The following TMED10 variants were observed in gnomAD, a reference collection of about 807,000 sequenced individuals.
The protein encoded by TMED10 is transmembrane emp24 domain-containing protein 10.
TMED10 carries 7 observed loss-of-function variants against 23.1 expected under a neutral mutation model. That is an observed-to-expected ratio of 0.30 (90% CI 0.17 to 0.57). The LOEUF (loss-of-function observed/expected upper bound fraction) is 0.57. TMED10 is among the 20% of genes least tolerant of loss of function. TMED10 has a pLI of 0.91. For synonymous variants in TMED10, 113 were observed against 106.9 expected, an observed-to-expected ratio of 1.06 and a Z score of -0.35; for missense variants, 162 against 274.8, an observed-to-expected ratio of 0.59 and a Z score of 2.90.
At chr14:75,147,591 G>T in intron 3 of TMED10, 73 bp downstream of exon 3, 1 of 1,467,996 alleles carries the variant, frequency 6.8e-7, no homozygotes, top group Non-Finnish European at 9.5e-7. Context: ...ACAGCCTGTT[G>T]GCCTGCCGAG....
intron 1 of TMED10, among the ~76,000 whole-genome samples, chr14:75,172,906 A>G (rs1444096839): frequency 6.6e-6 from 1 of 151,126 alleles, no homozygotes; most frequent in Non-Finnish European, 1.5e-5. Context: ...TTTTTTTTTT[A>G]ATTTTTAGGG....
chr14:75,146,567 C>G (rs747351477), intron 3 of TMED10, among the ~76,000 whole-genome samples: 2 of 152,140 alleles, frequency 1.3e-5, no homozygotes, highest in Non-Finnish European at 2.9e-5. Flanking sequence ...TTAAATAGTT[C>G]TTGTGGTTTT....
At chr14:75,172,205 T>C (rs1896242626) in intron 1 of TMED10, among the ~76,000 whole-genome samples, 1 of 152,202 alleles carries the variant, frequency 6.6e-6, no homozygotes, top group Non-Finnish European at 1.5e-5. Flanking sequence ...AAGAGGAGAC[T>C]GCTCTAGATT....
chr14:75,155,242 G>A (rs925189263), intron 1 of TMED10, among the ~76,000 whole-genome samples: 2 of 152,108 alleles, frequency 1.3e-5, no homozygotes, highest in East Asian at 3.9e-4. Context: ...TTACAGGTGT[G>A]AGCCACCACG....
chr14:75,166,846 A>G (rs1218838157), intron 1 of TMED10, among the ~76,000 whole-genome samples: 1 of 152,150 alleles, frequency 6.6e-6, no homozygotes, highest in Non-Finnish European at 1.5e-5. Flanking sequence ...ATTTCTCCCT[A>G]CAGAAAAAGT....
intron 1 of TMED10, among the ~76,000 whole-genome samples, chr14:75,166,047 C>A (rs1418499372): frequency 1.3e-5 from 2 of 152,024 alleles, no homozygotes; most frequent in African/African-American, 4.8e-5. Flanking sequence ...GAACGAAAGA[C>A]CCGTTGCTGC....
intron 2 of TMED10, among the ~76,000 whole-genome samples, chr14:75,150,390 T>C (rs1895941261): frequency 1.3e-5 from 2 of 152,212 alleles, no homozygotes. Flanking sequence ...CAGCCCCACC[T>C]GGTCCAAATG....
At chr14:75,159,096 C>CT (rs1896056438) in intron 1 of TMED10, among the ~76,000 whole-genome samples, 1 of 152,136 alleles carries the variant, frequency 6.6e-6, no homozygotes, top group Admixed American at 6.5e-5. Flanking sequence ...CCCCAAGATT[C>CT]TCACTTTATA....
At position 75,135,007 on chromosome 14, in the gene TMED10, C is replaced by CT. The variant is rs771549909; in HGVS notation, c.539-2dup. The stretch of plus-strand genomic sequence containing the variant: ...TATAGGACCCGAGTGTTTGTTGACT[C>CT]TAAAAAAAAACAAAAGCATTGTAAA... On this transcript the variant is annotated splice_acceptor_variant, in intron 4 of 4. Coordinates refer to ENST00000303575, the MANE Select transcript of TMED10 (RefSeq NM_006827.6). LOFTEE classifies it high-confidence loss of function. 2.8e-4 allele frequency: 445 copies of CT among 1,611,688 alleles called. No individual in the cohort carries two copies. The highest frequency in any genetic ancestry group is 3.6e-4 in the Non-Finnish European group (423 of 1,179,292).
chr14:75,143,979 A>G (rs1895853284), intron 3 of TMED10, among the ~76,000 whole-genome samples: 1 of 151,270 alleles, frequency 6.6e-6, no homozygotes, highest in East Asian at 1.9e-4. Context: ...ATGGAATCAG[A>G]GTTCCTCCTT....
intron 3 of TMED10, among the ~76,000 whole-genome samples, chr14:75,142,333 G>A (rs552461711): frequency 6.6e-6 from 1 of 152,166 alleles, no homozygotes; most frequent in Non-Finnish European, 1.5e-5. Flanking sequence ...AAGTTACTCA[G>A]CCCTTTGGGT....
chr14:75,164,104 C>A (rs1330069262), intron 1 of TMED10, among the ~76,000 whole-genome samples: 1 of 151,538 alleles, frequency 6.6e-6, no homozygotes, highest in African/African-American at 2.4e-5. Context: ...TTTGCTCTGT[C>A]GTAAAGGCTG....
rs949508259 is a variant in TMED10 at position 75,132,919 on chromosome 14, G to C, written c.*1966C>G. The C allele has an allele frequency of 6.6e-6, 1 of 152,416 alleles. No homozygotes were observed. The highest frequency in any genetic ancestry group is 1.9e-4 in the East Asian group (1 of 5,192). 9.4% of individuals were successfully genotyped at this position (152,416 alleles called of 1,614,324 possible). ...CTACTTTCTTGGGAGATGTGGGAAAGATTTCAAGTCACAGCATTTTTCATA... is the reference window on the plus strand; with the variant it reads ...CTACTTTCTTGGGAGATGTGGGAAACATTTCAAGTCACAGCATTTTTCATA... On this transcript the variant is annotated 3_prime_UTR_variant, in exon 5 of 5. Transcript: ENST00000303575.
intron 1 of TMED10, among the ~76,000 whole-genome samples, chr14:75,163,218 G>C (rs1896105823): frequency 6.6e-6 from 1 of 152,032 alleles, no homozygotes; most frequent in Non-Finnish European, 1.5e-5. Flanking sequence ...CTTCAGCCTG[G>C]GTGACAGAGC....
intron 3 of TMED10, among the ~76,000 whole-genome samples, chr14:75,137,124 C>T (rs1310276857): frequency 1.3e-5 from 2 of 151,082 alleles, no homozygotes; most frequent in Non-Finnish European, 1.5e-5. Context: ...GATTCTCCTG[C>T]CTCAGCCTCC....
chr14:75,138,936 C>T, intron 3 of TMED10: 3 of 236,750 alleles, frequency 1.3e-5, no homozygotes, highest in South Asian at 9.1e-5. Context: ...TTGTAGATTA[C>T]AGCCCCCCAC....
intron 1 of TMED10, among the ~76,000 whole-genome samples, chr14:75,163,933 G>C (rs941152957): frequency 5.3e-5 from 8 of 151,988 alleles, no homozygotes; most frequent in Non-Finnish European, 1.2e-4. Flanking sequence ...CTACTGTGAA[G>C]ATTAAATGTT....
intron 1 of TMED10, among the ~76,000 whole-genome samples, chr14:75,166,474 C>T (rs528052937): frequency 2.7e-4 from 41 of 152,280 alleles, no homozygotes; most frequent in Non-Finnish European, 5.1e-4. Flanking sequence ...TATATTTGTT[C>T]CACTTTCCTA....
At chr14:75,163,486 G>C (rs1250748174) in intron 1 of TMED10, among the ~76,000 whole-genome samples, 2 of 141,378 alleles carry the variant, frequency 1.4e-5, no homozygotes, top group Non-Finnish European at 3.0e-5. Context: ...CCGGGAGGCA[G>C]AGGTTGCAGT....
Sources: allele counts gnomAD v4.1 joint callset (sites outside exome capture counted in the v4.1 genomes callset), GRCh38; gene constraint gnomAD v4.1.1; transcripts MANE v1.5; gene names NCBI Gene and HGNC (gene_info 2026-07-23, HGNC 2026-07-21).